SDK2: variants seen among roughly 807,000 people sequenced by gnomAD.
The protein encoded by SDK2 is protein sidekick-2.
Under a neutral mutation model 253.9 loss-of-function variants are expected in SDK2, and 105 were observed. The ratio of observed to expected loss-of-function variants is 0.41; its 90% CI spans 0.35 to 0.49. The LOEUF is 0.49. Among genes scored for constraint, SDK2 ranks in the 20% least tolerant of loss-of-function variants. The pLI is 0.06. For missense variants in SDK2, 2,608 were observed against 3,003.0 expected, an observed-to-expected ratio of 0.87 and a Z score of 3.07; for synonymous variants, 1,249 against 1,234.9, an observed-to-expected ratio of 1.01 and a Z score of -0.24.
intron 2 of SDK2, among the ~76,000 whole-genome samples, chr17:73,485,930 T>G (rs933535298): frequency 1.3e-5 from 2 of 152,222 alleles, no homozygotes; most frequent in African/African-American, 4.8e-5. Context: ...CGAAGGTCAC[T>G]CTGACTGCAG....
In SDK2 at chr17:73,616,495, G is replaced by A. The variant is rs2046059462; in HGVS notation, c.64+27530C>T. Among the ~76,000 whole-genome samples, 1 of 152,182 alleles carries A rather than the reference G, an allele frequency of 6.6e-6. No individual in the cohort carries two copies. Among genetic ancestry groups the A allele is most frequent in the African/African-American group, 2.4e-5 (1 of 41,434 alleles). ...AATGCTTAGGCCTGAGCACGCATTT[G>A]TCTTTGTTTGGTTTGTTGCTTTGGT... On this transcript the variant is annotated intron_variant, in intron 1 of 44. Transcript: ENST00000392650. The surrounding 1 kb of genome is among the most constrained non-coding windows in gnomAD (Gnocchi z 5.2).
rs918940361 is a variant in SDK2, at chr17:73,431,007, G to T, written c.1481-394C>A. 6.6e-6 allele frequency among the ~76,000 whole-genome samples: 1 copy of T among 152,238 alleles called. No individual in the cohort carries two copies. Among genetic ancestry groups the T allele is most frequent in the Admixed American group, 6.5e-5 (1 of 15,288 alleles). On this transcript the variant is annotated intron_variant, in intron 11 of 44. Transcript: ENST00000392650. The surrounding 1 kb of genome is among the most constrained non-coding windows in gnomAD (Gnocchi z 5.6). Reference sequence around the variant, plus strand: ...CTTGAGAAGCTCTCTTACAGCAGGGGTCGGCTAACTACAGGCTGGGGGCCA... The same window carrying T: ...CTTGAGAAGCTCTCTTACAGCAGGGTTCGGCTAACTACAGGCTGGGGGCCA...
chr17:73,399,315 A>T (rs1341390458), intron 21 of SDK2, 26 bp from the exon 22 acceptor site: 1 of 1,613,072 alleles, frequency 6.2e-7, no homozygotes, highest in African/African-American at 1.3e-5. Context: ...AGGGTGGGGA[A>T]GGAGATCCGG....
chr17:73,583,374 G>A (rs188626616), intron 1 of SDK2, among the ~76,000 whole-genome samples: 2 of 152,268 alleles, frequency 1.3e-5, no homozygotes, highest in African/African-American at 4.8e-5. Context: ...TCCCACTCGG[G>A]TGAGCACTTT....
chr17:73,548,297 TA>T (rs2044998451), intron 1 of SDK2, among the ~76,000 whole-genome samples: 2 of 152,348 alleles, frequency 1.3e-5, no homozygotes, highest in South Asian at 4.1e-4. Flanking sequence ...TGGAGAATTC[TA>T]GTGCTGCAGC....
chr17:73,405,488 ATATATATATATATATATATAT>A (rs2063066908), intron 18 of SDK2, among the ~76,000 whole-genome samples: 1 of 96,036 alleles, frequency 1.0e-5, no homozygotes, highest in African/African-American at 3.8e-5. Flanking sequence ...ATATATATAT[ATATATATATATATATATATAT>A]ATATATATAA....
chr17:73,567,058 T>C (rs2045323140), intron 1 of SDK2, among the ~76,000 whole-genome samples: 1 of 152,026 alleles, frequency 6.6e-6, no homozygotes, highest in Non-Finnish European at 1.5e-5. Flanking sequence ...AAAAAAGACC[T>C]GGAAGACATT....
chr17:73,496,522 G>A lies in SDK2; in HGVS notation c.224+10916C>T, dbSNP rs1432927961. On this transcript the variant is annotated intron_variant, in intron 2 of 44. Transcript: ENST00000392650. The surrounding 1 kb of genome is among the most constrained non-coding windows in gnomAD (Gnocchi z 4.7). Reference sequence around the variant, plus strand: ...ACGATGCGTTCTGCCCATTAGCGAAGGGAGTTAGTGAGAGAGGAGGCTGGA... The same window carrying A: ...ACGATGCGTTCTGCCCATTAGCGAAAGGAGTTAGTGAGAGAGGAGGCTGGA... Among the ~76,000 whole-genome samples the A allele has an allele frequency of 2.0e-5, 3 of 152,200 alleles. No homozygotes were observed. The highest frequency in any genetic ancestry group is 7.2e-5 in the African/African-American group (3 of 41,440).
chr17:73,462,291 G>A (rs994358301), intron 3 of SDK2, among the ~76,000 whole-genome samples: 3 of 151,892 alleles, frequency 2.0e-5, no homozygotes, highest in Non-Finnish European at 4.4e-5. Context: ...GTATGTTTAT[G>A]TGCATGTGTG....
chr17:73,470,490 C>CCCTGGACTCTCAGCA (rs1193396487), intron 3 of SDK2, among the ~76,000 whole-genome samples: 2 of 152,222 alleles, frequency 1.3e-5, no homozygotes, highest in African/African-American at 4.8e-5. Flanking sequence ...TCCCCCTGCC[C>CCCTGGACTCTCAGCA]CCTGGACTCT....
chr17:73,437,134 G>A (rs989762955), intron 8 of SDK2, among the ~76,000 whole-genome samples: 4 of 152,102 alleles, frequency 2.6e-5, no homozygotes, highest in Admixed American at 2.0e-4. Context: ...CCTCATTCCT[G>A]CAGAGACACA....
chr17:73,558,947 C>T (rs2045186227), intron 1 of SDK2, among the ~76,000 whole-genome samples: 1 of 152,172 alleles, frequency 6.6e-6, no homozygotes, highest in African/African-American at 2.4e-5. Flanking sequence ...GCTCTGTCTG[C>T]AGCCTGGCTC....
At chr17:73,449,040 T>C (rs78695409) in intron 4 of SDK2, among the ~76,000 whole-genome samples, 8,854 of 151,998 alleles carry the variant, frequency 0.058, 418 homozygotes, top group African/African-American at 0.14. Context: ...GGCTGGTGTG[T>C]TTTGGGGTGT....
rs540808251 is a variant in SDK2 at position 73,463,165 on chromosome 17, C to T, written c.332-7112G>A. Among the ~76,000 whole-genome samples, 43 of 152,290 alleles carry T rather than the reference C, an allele frequency of 2.8e-4. 2 individuals are homozygous for T. In the South Asian group the frequency reaches 8.5e-3, roughly 30 times the overall value. On this transcript the variant is annotated intron_variant, in intron 3 of 44. Transcript: ENST00000392650. ...TTAAGGGCTTGCCACACTGACTCCC[C>T]GAGGTACCTGCTTGCTAATACGCCG...
intron 2 of SDK2, among the ~76,000 whole-genome samples, chr17:73,475,245 A>G (rs1469114973): frequency 6.7e-6 from 1 of 149,438 alleles, no homozygotes; most frequent in East Asian, 2.0e-4. Context: ...TCCACCCACC[A>G]GGTTCAAGCA....
chr17:73,390,623 C>T, intron 28 of SDK2, 142 bp from the exon 29 acceptor site: 1 of 863,716 alleles, frequency 1.2e-6, no homozygotes. Flanking sequence ...GGTCTGTCTG[C>T]CTGAGGTCTC....
At chr17:73,404,201 A>G (rs2063052571) in intron 18 of SDK2, among the ~76,000 whole-genome samples, 1 of 152,204 alleles carries the variant, frequency 6.6e-6, no homozygotes, top group Non-Finnish European at 1.5e-5. Context: ...GCCTGGATCC[A>G]AGATGGCAGC....
intron 38 of SDK2, among the ~76,000 whole-genome samples, chr17:73,364,574 T>C (rs1480106861): frequency 6.6e-6 from 1 of 152,036 alleles, no homozygotes; most frequent in East Asian, 1.9e-4. Flanking sequence ...AACCCTAAGG[T>C]TTGGGAAAGG....
chr17:73,352,585 G>A lies in SDK2; in HGVS notation c.5646C>T (p.Ser1882=). ...LIKDIPKEVS[S]YTFSMDILKP... ...TCAGGATGTCCATGCTGAACGTGTAGGAGCTCACCTCCTTGGGGATGTCTT... is the reference window on the plus strand; with the variant it reads ...TCAGGATGTCCATGCTGAACGTGTAAGAGCTCACCTCCTTGGGGATGTCTT... Residue 1882 remains serine, a synonymous_variant, in exon 41 of 45, where the codon TCC becomes TCT. Transcript: ENST00000392650. This position sits in a 1 kb window ranked among gnomAD's most constrained non-coding sequence, Gnocchi z 4.1. 1.2e-6 allele frequency: 2 copies of A among 1,614,050 alleles called. No individual in the cohort carries two copies. Among genetic ancestry groups the A allele is most frequent in the South Asian group, 1.1e-5 (1 of 91,090 alleles).
Sources: gnomAD v4.1 joint callset for allele counts (sites outside exome capture counted in the v4.1 genomes callset) on GRCh38, gnomAD v4.1.1 for gene constraint, Gnocchi (gnomAD v3.1) non-coding constraint, MANE v1.5 for transcripts, NCBI Gene and HGNC (gene_info 2026-07-23, HGNC 2026-07-21) for gene names.